Variants in INPP4B observed in about 807,000 individuals in gnomAD.
INPP4B encodes inositol polyphosphate 4-phosphatase type II.
INPP4B carries 55 observed loss-of-function variants against 122.5 expected under a neutral mutation model. That is an observed-to-expected ratio of 0.45 (90% confidence interval 0.36 to 0.56). The LOEUF (loss-of-function observed/expected upper bound fraction) is 0.56. Ranked by LOEUF, INPP4B falls within the 20% of genes least tolerant of loss-of-function variation. The pLI is 0.00. For missense variants in INPP4B, 1,000 were observed against 1,097.7 expected, an observed-to-expected ratio of 0.91 and a Z score of 1.26; for synonymous variants, 403 against 388.7, an observed-to-expected ratio of 1.04 and a Z score of -0.43.
chr4:142,605,132 A>G (rs1740955628), intron 2 of INPP4B, among the ~76,000 whole-genome samples: 1 of 152,010 alleles, frequency 6.6e-6, no homozygotes, highest in South Asian at 2.1e-4. Context: ...ACCTACCAAG[A>G]CTGACTCCAA....
At chr4:142,146,133 ATT>A (rs1339978752) in intron 17 of INPP4B, 137 bp from the exon 18 acceptor site, 35 of 929,268 alleles carry the variant, frequency 3.8e-5, no homozygotes, top group Middle Eastern at 2.2e-4. Flanking sequence ...ATTCCCATTA[ATT>A]TGGTCAGACT....
Position 142,112,609 on chromosome 4 carries a change from G to C in INPP4B, c.2209C>G (p.Gln737Glu). 6.2e-7 allele frequency: 1 copy of C among 1,613,104 alleles called. No individual in the cohort carries two copies. Among genetic ancestry groups the C allele is most frequent in the Non-Finnish European group, 8.5e-7 (1 of 1,179,360 alleles). The change falls in exon 22 of 26, where the codon CAG becomes GAG. Residue 737 changes from glutamine to glutamate, a missense_variant. By Grantham distance (29) the Gln-to-Glu change is conservative. Coordinates refer to ENST00000262992, the MANE Select transcript of INPP4B (RefSeq NM_001101669.3). The part of the protein sequence containing the change: ...ESLPLQIKEG[Q>E]LLHVYPVLFN... ...AGTACTGGATACACATGAAGCAACT[G>C]TCCTTCTTTAATCTGTAGAGGTAGT... is the stretch of plus-strand genomic sequence containing the variant.
intron 18 of INPP4B, among the ~76,000 whole-genome samples, chr4:142,140,462 A>T (rs1038080298): frequency 6.6e-6 from 1 of 152,208 alleles, no homozygotes; most frequent in African/African-American, 2.4e-5. Context: ...TTGAATGCAT[A>T]CTGTTCCTTT....
chr4:142,287,651 G>A (rs1443393061), intron 9 of INPP4B: 2 of 152,054 alleles, frequency 1.3e-5, no homozygotes, highest in South Asian at 2.1e-4. Context: ...CCCTTAGCCT[G>A]GGGCTTGCCA....
chr4:142,692,497 T>A (rs1053413911), intron 2 of INPP4B, among the ~76,000 whole-genome samples: 5 of 152,144 alleles, frequency 3.3e-5, no homozygotes, highest in Admixed American at 1.3e-4. Context: ...GCCCAGGAGT[T>A]CCAGATTAGC....
chr4:142,042,516 G>GTA (rs1748412979), intron 25 of INPP4B, among the ~76,000 whole-genome samples: 67 of 48,194 alleles, frequency 1.4e-3, no homozygotes, highest in South Asian at 2.5e-3. Flanking sequence ...TTATGTGTGT[G>GTA]TGTATGTATG....
chr4:142,382,265 T>G (rs577112363), intron 7 of INPP4B, among the ~76,000 whole-genome samples: 67 of 152,070 alleles, frequency 4.4e-4, no homozygotes, highest in Non-Finnish European at 8.7e-4. Context: ...TCCCAATACT[T>G]TGGGAGGCCA....
At chr4:142,583,588 A>G (rs1442616535) in intron 2 of INPP4B, 4 of 152,154 alleles carry the variant, frequency 2.6e-5, no homozygotes, top group African/African-American at 7.2e-5. Flanking sequence ...CTGAGCAACT[A>G]TGTAAATGCA....
At chr4:142,332,882 G>C (rs188690523) in intron 7 of INPP4B, among the ~76,000 whole-genome samples, 2 of 150,904 alleles carry the variant, frequency 1.3e-5, no homozygotes, top group South Asian at 4.2e-4. Context: ...GTGGTGGCGG[G>C]TGCCTATAGT....
intron 2 of INPP4B, among the ~76,000 whole-genome samples, chr4:142,537,276 G>A (rs1187810835): frequency 5.3e-5 from 8 of 151,256 alleles, no homozygotes; most frequent in Non-Finnish European, 2.9e-5. Flanking sequence ...GGATGGACAG[G>A]GCTCTTAAAG....
In INPP4B at chr4:142,024,766, T is replaced by C. The variant is rs1736523391; in HGVS notation, c.*4016A>G. Reference sequence around the variant, plus strand: ...AATGCCAAAATTATAAACTCCAAAATAGATGGTGAAGTACATTTTTAGTGA... The same window carrying C: ...AATGCCAAAATTATAAACTCCAAAACAGATGGTGAAGTACATTTTTAGTGA... On this transcript the variant is annotated 3_prime_UTR_variant, in exon 26 of 26. Coordinates refer to ENST00000262992, the MANE Select transcript of INPP4B (RefSeq NM_001101669.3). 6.6e-6 allele frequency: 1 copy of C among 152,134 alleles called. No individual in the cohort carries two copies. The highest frequency in any genetic ancestry group is 2.1e-4 in the South Asian group (1 of 4,828). The allele number at this position is 152,134 out of a possible 1,614,324, so 9.4% of individuals were successfully genotyped here.
chr4:142,460,981 C>T lies in INPP4B; in HGVS notation c.-127+1682G>A, dbSNP rs1017154839. On this transcript the variant is annotated intron_variant, in intron 3 of 25. Transcript: ENST00000262992. ...ATCATTTGAGCTCAGGGGTTCAAGA[C>T]GAGCCTAGGAAACATGCTGAAACTC... Among the ~76,000 whole-genome samples, 8 of 152,116 alleles carry T rather than the reference C, an allele frequency of 5.3e-5. No homozygotes were observed. The East Asian group carries it at 5.8e-4, about 11-fold the overall frequency.
chr4:142,028,632 G>T lies in INPP4B; in HGVS notation c.*150C>A. 1.4e-6 allele frequency: 1 copy of T among 706,560 alleles called. No homozygotes were observed. The highest frequency in any genetic ancestry group is 2.3e-6 in the Non-Finnish European group (1 of 429,524). The allele number at this position is 706,560 out of a possible 1,614,324, so 43.8% of individuals were successfully genotyped here. A position where few individuals can be genotyped will look rare whatever the true frequency, so the allele number is the denominator to read the frequency against. ...TCTTTCAGAGCAATATGCTGATGAT[G>T]AATTGAAGTAGTTCCTAGATTTTGG... On this transcript the variant is annotated 3_prime_UTR_variant, in exon 26 of 26. Transcript: ENST00000262992.
At chr4:142,558,332 GCAC>G (rs1448498927) in intron 2 of INPP4B, among the ~76,000 whole-genome samples, 1 of 151,844 alleles carries the variant, frequency 6.6e-6, no homozygotes, top group Non-Finnish European at 1.5e-5. Flanking sequence ...TATTTGTCCT[GCAC>G]CCAATTCCTT....
intron 9 of INPP4B, among the ~76,000 whole-genome samples, chr4:142,290,780 C>T (rs940344233): frequency 2.0e-5 from 3 of 152,028 alleles, no homozygotes; most frequent in Admixed American, 6.6e-5. Context: ...AGATGGGGGA[C>T]GTGGTATGTA....
chr4:142,212,460 G>A (rs1480648662), intron 12 of INPP4B, among the ~76,000 whole-genome samples: 1 of 152,140 alleles, frequency 6.6e-6, no homozygotes, highest in African/African-American at 2.4e-5. Context: ...TGCTTCTATG[G>A]AGTCTTGCTT....
intron 2 of INPP4B, among the ~76,000 whole-genome samples, chr4:142,601,009 ATATATAGGCACT>A: frequency 6.6e-6 from 1 of 152,252 alleles, no homozygotes; most frequent in East Asian, 1.9e-4. Context: ...TTCTAAATAT[ATATATAGGCACT>A]GAAAACTGGG....
rs1031691385 is a variant in INPP4B, at chr4:142,065,557, TG to T, written c.2642+16473del. On this transcript the variant is annotated intron_variant, in intron 25 of 25. Coordinates refer to ENST00000262992, the MANE Select transcript of INPP4B (RefSeq NM_001101669.3). ...AATAAAAAATGTCTGACAACATGGA[TG>T]CACCTGGAAAATGTTATGCTAAATG... Among the ~76,000 whole-genome samples, 60 of 152,286 alleles carry T rather than the reference TG, an allele frequency of 3.9e-4. 1 individual carries two copies. The highest frequency in any genetic ancestry group is 6.3e-4 in the Non-Finnish European group (43 of 68,038).
rs1250469797 is a variant in INPP4B at position 142,112,548 on chromosome 4, G to A, written c.2270C>T (p.Ala757Val). The change falls in exon 22 of 26, where the codon GCT (alanine) becomes GTT (valine). Residue 757 changes from alanine to valine, a missense_variant. By Grantham distance (64) the Ala-to-Val change is moderately conservative. Coordinates refer to ENST00000262992, the MANE Select transcript of INPP4B (RefSeq NM_001101669.3). ...NVGINEQQTL[A>V]ERFGDVSLQE... The stretch of plus-strand genomic sequence containing the variant: ...CTCTTACACCAAAGCTTACCTTTCA[G>A]CCAGAGTTTGCTGTTCATTGATTCC... The A allele has an allele frequency of 1.9e-6, 3 of 1,612,790 alleles. No individual in the cohort carries two copies.
Sources: allele counts gnomAD v4.1 joint callset (sites outside exome capture counted in the v4.1 genomes callset), GRCh38; gene constraint gnomAD v4.1.1; transcripts MANE v1.5; gene names NCBI Gene and HGNC (gene_info 2026-07-23, HGNC 2026-07-21).